The following ANKRD29 variants were observed in gnomAD, a reference collection of about 807,000 sequenced individuals.
The protein encoded by ANKRD29 is ankyrin repeat domain 29, also known as ankyrin repeat domain-containing protein 29.
A neutral mutation model predicts 38.0 loss-of-function variants in ANKRD29; 32 were observed. The ratio of observed to expected loss-of-function variants is 0.84; its 90% CI spans 0.64 to 1.13. The LOEUF (loss-of-function observed/expected upper bound fraction) is 1.13, where lower values mean the gene tolerates loss of function less well. ANKRD29 is among the 50% of genes most tolerant of loss of function. ANKRD29 has a pLI of 0.00. For missense variants in ANKRD29, 357 were observed against 377.9 expected (o/e 0.94, Z 0.46); for synonymous variants, 135 against 152.4 (o/e 0.89, Z 0.84).
chr18:23,633,937 A>G, intron 5 of ANKRD29, 114 bp downstream of exon 5: 1 of 1,037,564 alleles, frequency 9.6e-7, no homozygotes, highest in South Asian at 1.4e-5. Context: ...ACTCAGACCC[A>G]AGTCCTACTG....
rs560087024 is a variant in ANKRD29, at chr18:23,600,188, T to C, written c.*1038A>G. The C allele has an allele frequency of 1.3e-5, 2 of 152,604 alleles. No individual in the cohort carries two copies. The highest frequency in any genetic ancestry group is 2.9e-5 in the Non-Finnish European group (2 of 68,030). 9.5% of individuals were successfully genotyped at this position (152,604 alleles called of 1,614,324 possible). ...ATAATTCAATAAACCTCATATTTCA[T>C]TCTTGGAATCAGTCAACTCAAAAAC... On this transcript the variant is annotated 3_prime_UTR_variant, in exon 10 of 10. Transcript: ENST00000592179.
intron 7 of ANKRD29, among the ~76,000 whole-genome samples, chr18:23,618,233 G>A (rs1180155653): frequency 1.3e-5 from 2 of 152,198 alleles, no homozygotes; most frequent in Non-Finnish European, 2.9e-5. Flanking sequence ...TGTATTTACT[G>A]TTTCTAAAAA....
chr18:23,610,892 C>T (rs2059633125), intron 9 of ANKRD29, among the ~76,000 whole-genome samples: 1 of 151,972 alleles, frequency 6.6e-6, no homozygotes, highest in Non-Finnish European at 1.5e-5. Flanking sequence ...GTTGCCCAGG[C>T]TGGTCTTGAA....
At chr18:23,617,636 A>C (rs1287300687) in intron 8 of ANKRD29, 96 bp downstream of exon 8, 1 of 896,730 alleles carries the variant, frequency 1.1e-6, no homozygotes, top group Non-Finnish European at 1.8e-6. Context: ...CCAACTAACC[A>C]GGCTAACTGC....
intron 1 of ANKRD29, among the ~76,000 whole-genome samples, chr18:23,653,702 C>G (rs191763112): frequency 1.3e-5 from 2 of 152,128 alleles, no homozygotes; most frequent in Admixed American, 1.3e-4. Flanking sequence ...TCTGGGCTCA[C>G]TGCAACCATG....
intron 5 of ANKRD29, among the ~76,000 whole-genome samples, chr18:23,631,575 AACAAG>A (rs2059933249): frequency 6.6e-6 from 1 of 152,082 alleles, no homozygotes; most frequent in African/African-American, 2.4e-5. Context: ...AACAAGACAA[AACAAG>A]ACAAAACACA....
chr18:23,618,798 G>A (rs1036443297), intron 7 of ANKRD29: 2 of 123,964 alleles, frequency 1.6e-5, no homozygotes, highest in African/African-American at 6.1e-5. Context: ...TCTGTAATCA[G>A]AAAGAAGGAA....
At chr18:23,649,763 C>A (rs2060187679) in intron 1 of ANKRD29, among the ~76,000 whole-genome samples, 1 of 152,188 alleles carries the variant, frequency 6.6e-6, no homozygotes, top group Admixed American at 6.5e-5. Context: ...TGGAGTCTCA[C>A]TCTGTCGCCA....
intron 6 of ANKRD29, among the ~76,000 whole-genome samples, chr18:23,620,586 T>C (rs2059784674): frequency 2.0e-5 from 3 of 152,144 alleles, no homozygotes; most frequent in Admixed American, 1.3e-4. Context: ...CCCCTCTGCG[T>C]TGAATCTCGC....
Position 23,634,159 on chromosome 18 carries a change from T to C in ANKRD29, c.331-10A>G, listed in dbSNP as rs751744683. The C allele has an allele frequency of 3.7e-6, 6 of 1,612,956 alleles. No homozygotes were observed. The highest frequency in any genetic ancestry group is 2.2e-5 in the East Asian group (1 of 44,862). On this transcript the variant is annotated splice_polypyrimidine_tract_variant and intron_variant, in intron 4 of 9. Coordinates refer to ENST00000592179, the MANE Select transcript of ANKRD29 (RefSeq NM_173505.4). ...GGGCGGTGCCCCCGTCCTATGGACA[T>C]GCAAAGTATAAACACATTAGAGGTG...
intron 3 of ANKRD29, among the ~76,000 whole-genome samples, chr18:23,641,999 C>A (rs1598517345): frequency 2.0e-5 from 3 of 152,242 alleles, no homozygotes; most frequent in African/African-American, 7.2e-5. Context: ...CTATGGGTCT[C>A]CTCTCCACTG....
At chr18:23,653,528 C>T (rs986814322) in intron 1 of ANKRD29, among the ~76,000 whole-genome samples, 3 of 152,138 alleles carry the variant, frequency 2.0e-5, no homozygotes, top group South Asian at 2.1e-4. Flanking sequence ...GGATTACAGG[C>T]GTGAGCCACC....
intron 2 of ANKRD29, chr18:23,647,471 A>AAAGTAACG (rs1160464149): frequency 2.0e-5 from 3 of 152,196 alleles, no homozygotes; most frequent in Admixed American, 1.3e-4. Context: ...AAGTATCGGT[A>AAAGTAACG]AAGTAACGAA....
chr18:23,662,501 G>C (rs1598559940), intron 1 of ANKRD29, among the ~76,000 whole-genome samples: 3 of 152,132 alleles, frequency 2.0e-5, no homozygotes, highest in Admixed American at 2.0e-4. Context: ...CTCAGGCAGG[G>C]CAGGCAGGCA....
chr18:23,604,674 G>C (rs992006967), intron 9 of ANKRD29, among the ~76,000 whole-genome samples: 1 of 152,230 alleles, frequency 6.6e-6, no homozygotes, highest in East Asian at 1.9e-4. Context: ...GGGACTACAG[G>C]AACGTGCCAC....
chr18:23,632,247 A>AT lies in ANKRD29; in HGVS notation c.429+1803dup, dbSNP rs60212664. Among the ~76,000 whole-genome samples the AT allele has an allele frequency of 6.6e-5, 10 of 151,006 alleles. No homozygotes were observed. The East Asian group carries it at 1.7e-3, about 26-fold the overall frequency. On this transcript the variant is annotated intron_variant, in intron 5 of 9. Coordinates refer to ENST00000592179, the MANE Select transcript of ANKRD29 (RefSeq NM_173505.4). ...TTTTCTTTTTCTTTTTCTTTTTTTAATTTTTTTTTAACTCTCAGGAATTTT... is the reference window on the plus strand; with the variant it reads ...TTTTCTTTTTCTTTTTCTTTTTTTAATTTTTTTTTTAACTCTCAGGAATTTT...
chr18:23,608,689 G>A (rs1886811757), intron 9 of ANKRD29, among the ~76,000 whole-genome samples: 2 of 152,148 alleles, frequency 1.3e-5, no homozygotes, highest in South Asian at 4.1e-4. Context: ...TCATTGCTGG[G>A]CATAGGTCAG....
intron 4 of ANKRD29, among the ~76,000 whole-genome samples, chr18:23,637,994 CTTTTTTT>C (rs3083465): frequency 1.0e-5 from 1 of 98,080 alleles, no homozygotes; most frequent in African/African-American, 4.1e-5. Flanking sequence ...TCAATTACTT[CTTTTTTT>C]TTTTTTTTTT....
chr18:23,635,998 G>GT (rs2059998023), intron 4 of ANKRD29, among the ~76,000 whole-genome samples: 2 of 152,294 alleles, frequency 1.3e-5, no homozygotes, highest in East Asian at 1.9e-4. Flanking sequence ...ACAGAATTGC[G>GT]TAACAGCAGG....
Sources: gnomAD v4.1 joint callset for allele counts (sites outside exome capture counted in the v4.1 genomes callset) on GRCh38, gnomAD v4.1.1 for gene constraint, MANE v1.5 for transcripts, NCBI Gene and HGNC (gene_info 2026-07-23, HGNC 2026-07-21) for gene names.